The following SEZ6L variants were observed in gnomAD, a reference collection of about 807,000 sequenced individuals.
The protein encoded by SEZ6L is seizure related 6 homolog like, also known as seizure 6-like protein.
Under a neutral mutation model 106.2 loss-of-function variants are expected in SEZ6L, and 37 were observed. The observed-to-expected ratio is 0.35, with a 90% CI of 0.27 to 0.46. The LOEUF (loss-of-function observed/expected upper bound fraction) is 0.46, where lower values mean the gene tolerates loss of function less well. SEZ6L is among the 20% of genes least tolerant of loss of function. The pLI is 1.00. For missense variants in SEZ6L, 1,172 were observed against 1,332.8 expected (o/e 0.88, Z 1.88); for synonymous variants, 541 against 570.4 (o/e 0.95, Z 0.73).
At chr22:26,240,886 G>A (rs2079105011) in intron 1 of SEZ6L, among the ~76,000 whole-genome samples, 1 of 152,200 alleles carries the variant, frequency 6.6e-6, no homozygotes. Flanking sequence ...GAGCAGGCAA[G>A]AGGGCATTCT....
intron 1 of SEZ6L, among the ~76,000 whole-genome samples, chr22:26,170,047 A>G (rs1938477680): frequency 6.6e-6 from 1 of 151,982 alleles, no homozygotes. Flanking sequence ...GCAGCCAAAG[A>G]GGTTCTCCTT....
chr22:26,219,521 G>C (rs899173919), intron 1 of SEZ6L, among the ~76,000 whole-genome samples: 1 of 151,922 alleles, frequency 6.6e-6, no homozygotes, highest in African/African-American at 2.4e-5. Flanking sequence ...GAACCTATTT[G>C]ATGTGAATCC....
At chr22:26,341,410 C>T (rs1466079608) in intron 10 of SEZ6L, among the ~76,000 whole-genome samples, 1 of 152,168 alleles carries the variant, frequency 6.6e-6, no homozygotes, top group Non-Finnish European at 1.5e-5. Context: ...CTCTACGACC[C>T]ACCCCTTTTC....
chr22:26,370,663 G>C (rs1010138384), intron 13 of SEZ6L, among the ~76,000 whole-genome samples: 5 of 151,282 alleles, frequency 3.3e-5, no homozygotes, highest in Non-Finnish European at 7.4e-5. Flanking sequence ...AGACATATTT[G>C]GAAAGAGAGA....
At chr22:26,257,655 G>A (rs1339446640) in intron 1 of SEZ6L, among the ~76,000 whole-genome samples, 1 of 152,128 alleles carries the variant, frequency 6.6e-6, no homozygotes, top group African/African-American at 2.4e-5. Flanking sequence ...TGAGGTCTGA[G>A]GACTAAAGAG....
rs2083069195 is a variant in SEZ6L at position 26,348,049 on chromosome 22, C to G, written c.2407+136C>G. On this transcript the variant is annotated intron_variant, in intron 11 of 16. Coordinates refer to ENST00000248933, the MANE Select transcript of SEZ6L (RefSeq NM_021115.5). Reference sequence around the variant, plus strand: ...CTCCACCACCAATTCACGAGCATTGCTCACAAATGTCATTTTATAGCTGTC... The same window carrying G: ...CTCCACCACCAATTCACGAGCATTGGTCACAAATGTCATTTTATAGCTGTC... The G allele has an allele frequency of 4.5e-6, 3 of 661,472 alleles. No individual in the cohort carries two copies. In the South Asian group the frequency reaches 7.5e-5, roughly 17 times the overall value. The allele number at this position is 661,472 out of a possible 1,614,324, so 41.0% of individuals were successfully genotyped here.
intron 9 of SEZ6L, among the ~76,000 whole-genome samples, chr22:26,315,694 A>G (rs1386496202): frequency 6.6e-6 from 1 of 152,080 alleles, no homozygotes; most frequent in Non-Finnish European, 1.5e-5. Flanking sequence ...GGGGTCTTGG[A>G]ACATCAGTGC....
At chr22:26,375,503 A>G in intron 14 of SEZ6L, 72 bp from the exon 15 acceptor site, 1 of 1,237,380 alleles carries the variant, frequency 8.1e-7, no homozygotes, top group South Asian at 1.2e-5. Context: ...AGGGGTGGAG[A>G]ACTGGGCAGT....
intron 1 of SEZ6L, among the ~76,000 whole-genome samples, chr22:26,281,968 G>A (rs996383502): frequency 3.0e-4 from 45 of 152,214 alleles, no homozygotes; most frequent in African/African-American, 1.0e-3. Flanking sequence ...CATTCCACCT[G>A]GATATTCTGT....
At chr22:26,370,497 A>G (rs1233083720) in intron 13 of SEZ6L, among the ~76,000 whole-genome samples, 1 of 152,186 alleles carries the variant, frequency 6.6e-6, no homozygotes, top group Non-Finnish European at 1.5e-5. Flanking sequence ...TCTTGGATTA[A>G]TTGCAAAGGT....
intron 10 of SEZ6L, among the ~76,000 whole-genome samples, chr22:26,342,766 G>A (rs3788395): frequency 0.15 from 22,668 of 152,198 alleles, 2,344 homozygotes; most frequent in East Asian, 0.39. Context: ...ATGATTTTTG[G>A]AGTTTTAATT....
intron 1 of SEZ6L, among the ~76,000 whole-genome samples, chr22:26,252,292 A>AT (rs368042723): frequency 2.0e-5 from 3 of 152,330 alleles, no homozygotes; most frequent in African/African-American, 7.2e-5. Flanking sequence ...TTATGCACTT[A>AT]TTTTTGGTTA....
chr22:26,335,895 T>G lies in SEZ6L; in HGVS notation c.2016-4541T>G, dbSNP rs1196748849. On this transcript the variant is annotated intron_variant, in intron 9 of 16. Transcript: ENST00000248933. ...AGAGTTCCCTTGAAGCCCTCCTCAC[T>G]AGGCTTAATGTGAGGGTGATACACA... Among the ~76,000 whole-genome samples, 3 of 152,160 alleles carry G rather than the reference T, an allele frequency of 2.0e-5. No individual in the cohort carries two copies. The East Asian group carries it at 5.8e-4, about 29-fold the overall frequency.
intron 1 of SEZ6L, among the ~76,000 whole-genome samples, chr22:26,228,278 G>A (rs16981546): frequency 0.021 from 3,162 of 152,288 alleles, 118 homozygotes; most frequent in African/African-American, 0.071. Flanking sequence ...AAAAATGAGA[G>A]TCTGGGTCGA....
At chr22:26,357,947 AG>A (rs1480842546) in intron 12 of SEZ6L, among the ~76,000 whole-genome samples, 4 of 152,210 alleles carry the variant, frequency 2.6e-5, no homozygotes, top group Admixed American at 2.0e-4. Flanking sequence ...AGCTTGCTTA[AG>A]AGACAGCGAT....
In SEZ6L at chr22:26,380,528, T is replaced by A; in HGVS notation, c.*233T>A. ...GCCAAATTCATGTTACAGCCTCAAT[T>A]CTGAAGGCAGGTGGAAGACTTGCAA... On this transcript the variant is annotated 3_prime_UTR_variant, in exon 17 of 17. Coordinates refer to ENST00000248933, the MANE Select transcript of SEZ6L (RefSeq NM_021115.5). 1 of 428,178 alleles carries A rather than the reference T, an allele frequency of 2.3e-6. No individual in the cohort carries two copies. The highest frequency in any genetic ancestry group is 6.0e-5 in the South Asian group (1 of 16,674). The allele number at this position is 428,178 out of a possible 1,614,324, so 26.5% of individuals were successfully genotyped here. A position where few individuals can be genotyped will look rare whatever the true frequency, so the allele number is the denominator to read the frequency against.
chr22:26,205,803 A>C (rs1016871759), intron 1 of SEZ6L, among the ~76,000 whole-genome samples: 14 of 152,084 alleles, frequency 9.2e-5, no homozygotes, highest in African/African-American at 3.1e-4. Context: ...CTTCCTCCTC[A>C]AGAGAATGAA....
intron 1 of SEZ6L, among the ~76,000 whole-genome samples, chr22:26,203,586 C>A (rs1941112801): frequency 6.6e-6 from 1 of 152,214 alleles, no homozygotes; most frequent in African/African-American, 2.4e-5. Context: ...AAGGATGTAA[C>A]AATCACAGGA....
intron 5 of SEZ6L, among the ~76,000 whole-genome samples, chr22:26,305,248 A>T (rs1439871861): frequency 6.6e-6 from 1 of 152,196 alleles, no homozygotes; most frequent in Non-Finnish European, 1.5e-5. Flanking sequence ...ATTCCTAGAA[A>T]CAAGATAGCC....
Sources: gnomAD v4.1 joint callset for allele counts (sites outside exome capture counted in the v4.1 genomes callset) on GRCh38, gnomAD v4.1.1 for gene constraint, MANE v1.5 for transcripts, NCBI Gene and HGNC (gene_info 2026-07-23, HGNC 2026-07-21) for gene names.